The following PKHD1L1 variants were observed in gnomAD, a reference collection of about 807,000 sequenced individuals.
The protein encoded by PKHD1L1 is PKHD1 like 1.
A neutral mutation model predicts 462.9 loss-of-function variants in PKHD1L1; 434 were observed. That is an observed-to-expected ratio of 0.94 (90% CI 0.87 to 1.02). PKHD1L1 has a LOEUF of 1.02. PKHD1L1 is among the 50% of genes least tolerant of loss of function. The probability of loss-of-function intolerance (pLI) is 0.00; values close to 1 mark genes in which losing one functional copy is unlikely to be tolerated. For missense variants in PKHD1L1, 5,202 were observed against 5,096.1 expected, an observed-to-expected ratio of 1.02 and a Z score of -0.63; for synonymous variants, 1,781 against 1,750.0, an observed-to-expected ratio of 1.02 and a Z score of -0.44.
At chr8:109,395,897 A>G in intron 10 of PKHD1L1, 130 bp from the exon 11 acceptor site, 2 of 605,116 alleles carry the variant, frequency 3.3e-6, no homozygotes, top group East Asian at 5.7e-5. Flanking sequence ...GAAACACCTA[A>G]TTCATGCAGT....
At position 109,414,963 on chromosome 8, in the gene PKHD1L1, T is replaced by TCA. The variant is rs71305947; in HGVS notation, c.2360+1418_2360+1419insCA. On this transcript the variant is annotated intron_variant, in intron 21 of 77. Coordinates refer to ENST00000378402, the MANE Select transcript of PKHD1L1 (RefSeq NM_177531.6). Reference sequence around the variant, plus strand: ...TCCTGTTTTCTACATCATCCCAACATTATTATTATTATTATTATTATTATT... The same window carrying TCA: ...TCCTGTTTTCTACATCATCCCAACATCATATTATTATTATTATTATTATTATT... Among the ~76,000 whole-genome samples the TCA allele has an allele frequency of 8.5e-3, 40 of 4,704 alleles. No homozygotes were observed. The South Asian group carries it at 0.14, about 16-fold the overall frequency. 3.1% of individuals were successfully genotyped at this position (4,704 alleles called of 152,430 possible).
At chr8:109,487,890 GAGGAAGGAAGGA>G (rs10661778) in intron 59 of PKHD1L1, among the ~76,000 whole-genome samples, 8 of 69,322 alleles carry the variant, frequency 1.2e-4, no homozygotes, top group East Asian at 7.1e-4. Flanking sequence ...GAGAGAGAGA[GAGGAAGGAAGGA>G]AGGAAGGAAG....
At position 109,415,864 on chromosome 8, in the gene PKHD1L1, G is replaced by GGTGTGTGTGTGT. The variant is rs552265043; in HGVS notation, c.2360+2350_2360+2361dup. Among the ~76,000 whole-genome samples, 437 of 100,404 alleles carry GGTGTGTGTGTGT rather than the reference G, an allele frequency of 4.4e-3. 3 individuals are homozygous for GGTGTGTGTGTGT. The highest frequency in any genetic ancestry group is 0.014 in the African/African-American group (407 of 28,750). 65.9% of individuals were successfully genotyped at this position (100,404 alleles called of 152,430 possible). On this transcript the variant is annotated intron_variant, in intron 21 of 77. Transcript: ENST00000378402. ...CCTTGTCTTAAAAAAAAAAAAAAGG[G>GGTGTGTGTGTGT]GTGTGTGTGTGTGTGTGTGTGTGTG...
intron 7 of PKHD1L1, 51 bp downstream of exon 7, chr8:109,388,601 ATAC>A: frequency 7.9e-7 from 1 of 1,265,512 alleles, no homozygotes; most frequent in Non-Finnish European, 1.1e-6. Context: ...AGATATAAGC[ATAC>A]TAAATTTAAA....
intron 28 of PKHD1L1, 127 bp from the exon 29 acceptor site, chr8:109,435,063 G>T: frequency 1.1e-6 from 1 of 898,392 alleles, no homozygotes; most frequent in Non-Finnish European, 1.7e-6. Context: ...ATATATGATT[G>T]GTTTTCTTTG....
At chr8:109,388,958 TG>T in intron 7 of PKHD1L1, 120 bp from the exon 8 acceptor site, 2 of 616,684 alleles carry the variant, frequency 3.2e-6, no homozygotes. Flanking sequence ...AAATTTTGGT[TG>T]TAGCAACAAT....
rs780059856 is a variant in PKHD1L1 at position 109,435,260 on chromosome 8, T to A, written c.3411T>A (p.Asp1137Glu). The A allele has an allele frequency of 7.4e-6, 12 of 1,613,820 alleles. No individual in the cohort carries two copies. The East Asian group carries it at 2.5e-4, about 33-fold the overall frequency. ...GHAPVAVSMADVGLAQNVGGE... is the reference protein window; with the variant it reads ...GHAPVAVSMAEVGLAQNVGGE... ...CCCCCGTTGCTGTGTCCATGGCTGA[T>A]GTTGGACTAGCACAGAATGTAGGGG... Residue 1137 changes from aspartate (D) to glutamate (E), a missense_variant, in exon 29 of 78, where the codon GAT becomes GAA. Physicochemically the swap from Asp to Glu is conservative, Grantham distance 45. This residue lies in a region of PKHD1L1 where 4,497 missense variants were observed against 4,336.8 expected (regional missense o/e 1.04). Transcript: ENST00000378402.
intron 9 of PKHD1L1, among the ~76,000 whole-genome samples, chr8:109,391,293 T>C (rs1292292385): frequency 6.6e-6 from 1 of 152,222 alleles, no homozygotes; most frequent in Non-Finnish European, 1.5e-5. Flanking sequence ...GCAGCATTAG[T>C]GTGCAAACCC....
At chr8:109,433,757 A>T (rs896514557) in intron 28 of PKHD1L1, among the ~76,000 whole-genome samples, 1 of 152,174 alleles carries the variant, frequency 6.6e-6, no homozygotes, top group African/African-American at 2.4e-5. Context: ...ATTTTTCTTA[A>T]CTTAAATCAA....
chr8:109,448,516 G>A (rs1427134699), intron 39 of PKHD1L1, 125 bp downstream of exon 39: 2 of 1,172,060 alleles, frequency 1.7e-6, no homozygotes, highest in African/African-American at 3.7e-5. Context: ...TTGTTTGTTT[G>A]GTTTTTTTTT....
chr8:109,379,190 C>A (rs544051606), intron 2 of PKHD1L1, among the ~76,000 whole-genome samples: 2 of 152,152 alleles, frequency 1.3e-5, no homozygotes, highest in Non-Finnish European at 2.9e-5. Context: ...GTCCACCCAG[C>A]TTCTCAGTGA....
rs150262721 is a variant in PKHD1L1 at position 109,430,364 on chromosome 8, T to G, written c.3229+327T>G. The stretch of plus-strand genomic sequence containing the variant: ...GGACACTGAGGAACTTTTATTCAAC[T>G]GTACCAGCTAGGGTATTAAGTGGAG... On this transcript the variant is annotated intron_variant, in intron 27 of 77. Transcript: ENST00000378402. Among the ~76,000 whole-genome samples the G allele has an allele frequency of 1.5e-3, 232 of 152,314 alleles. 2 individuals carry two copies. The highest frequency in any genetic ancestry group is 5.2e-3 in the Admixed American group (79 of 15,298).
chr8:109,409,051 A>G (rs1399815813), intron 18 of PKHD1L1, among the ~76,000 whole-genome samples: 2 of 152,210 alleles, frequency 1.3e-5, no homozygotes, highest in African/African-American at 4.8e-5. Flanking sequence ...CAATGAATTT[A>G]AGTTAAAATC....
rs761865905 is a variant in PKHD1L1 at position 109,464,843 on chromosome 8, C to A, written c.8011C>A (p.His2671Asn). 1 of 1,613,718 alleles carries A rather than the reference C, an allele frequency of 6.2e-7. No homozygotes were observed. Among genetic ancestry groups the A allele is most frequent in the Non-Finnish European group, 8.5e-7 (1 of 1,179,786 alleles). Residue 2671 changes from histidine to asparagine, a missense_variant, in exon 49 of 78, where the codon CAT becomes AAT. His to Asn is a moderately conservative substitution (Grantham distance 68). Transcript: ENST00000378402. ...EWVNGGALQF[H>N]NFVMVNNYEA... Reference sequence around the variant, plus strand: ...GGTCAATGGAGGTGCCCTTCAGTTCCATAACTTTGTGATGGTGAATAACTA... The same window carrying A: ...GGTCAATGGAGGTGCCCTTCAGTTCAATAACTTTGTGATGGTGAATAACTA...
At chr8:109,416,533 T>A (rs1814179674) in intron 21 of PKHD1L1, among the ~76,000 whole-genome samples, 2 of 152,178 alleles carry the variant, frequency 1.3e-5, no homozygotes, top group Admixed American at 6.5e-5. Flanking sequence ...ACATGTTGCA[T>A]CCCCCAGTGC....
At chr8:109,402,150 A>C (rs532813429) in intron 14 of PKHD1L1, among the ~76,000 whole-genome samples, 1 of 152,312 alleles carries the variant, frequency 6.6e-6, no homozygotes, top group African/African-American at 2.4e-5. Context: ...TCAAAAAGCC[A>C]TTCAGAATTC....
chr8:109,404,877 G>T (rs1009425282), intron 15 of PKHD1L1, 118 bp from the exon 16 acceptor site: 2 of 1,095,968 alleles, frequency 1.8e-6, no homozygotes, highest in Non-Finnish European at 2.5e-6. Context: ...CAAAAAGGCT[G>T]TTACTTGTCA....
In PKHD1L1 at chr8:109,445,058, G is replaced by C. The variant is rs770656828; in HGVS notation, c.5189G>C (p.Gly1730Ala). 25 of 1,613,792 alleles carry C rather than the reference G, an allele frequency of 1.5e-5. No homozygotes were observed. The highest frequency in any genetic ancestry group is 1.9e-5 in the Non-Finnish European group (22 of 1,179,884). ...QLVDVDLLIHGVPAQCQGNCT... is the reference protein window; with the variant it reads ...QLVDVDLLIHAVPAQCQGNCT... ...GTGGATGTAGATCTTCTAATACATG[G>C]AGTGCCTGCCCAGTGCCAGGGAAAC... The change falls in exon 38 of 78, where the codon GGA becomes GCA. Residue 1730 changes from glycine to alanine, a missense_variant. Gly to Ala is a moderately conservative substitution (Grantham distance 60, BLOSUM62 0). This residue lies in a region of PKHD1L1 where 4,497 missense variants were observed against 4,336.8 expected (regional missense o/e 1.04). Coordinates refer to ENST00000378402, the MANE Select transcript of PKHD1L1 (RefSeq NM_177531.6).
chr8:109,443,181 A>G (rs552146414), intron 36 of PKHD1L1, 65 bp downstream of exon 36: 3 of 1,482,946 alleles, frequency 2.0e-6, no homozygotes, highest in Admixed American at 1.7e-5. Flanking sequence ...ATATTTCTGG[A>G]GCCGGTAGCA....
Sources: gnomAD v4.1 joint callset for allele counts (sites outside exome capture counted in the v4.1 genomes callset) on GRCh38, gnomAD v4.1.1 for gene constraint, gnomAD v4.1.1 regional missense constraint, MANE v1.5 for transcripts, NCBI Gene and HGNC (gene_info 2026-07-23, HGNC 2026-07-21) for gene names.